The following LUZP2 variants were observed in gnomAD, a reference collection of about 807,000 sequenced individuals.
LUZP2 encodes leucine zipper protein 2.
In LUZP2, 52 loss-of-function variants were observed where a neutral mutation model predicts 51.6. That is an observed-to-expected ratio of 1.01 (90% CI 0.81 to 1.27). The LOEUF (loss-of-function observed/expected upper bound fraction) is 1.27. Among genes scored for constraint, LUZP2 ranks in the 50% most tolerant of loss-of-function variants. LUZP2 has a pLI of 0.00. For synonymous variants in LUZP2, 154 were observed against 137.3 expected (o/e 1.12, Z -0.85); for missense variants, 436 against 395.4 (o/e 1.10, Z -0.87).
At chr11:24,562,996 T>G (rs1257911784) in intron 1 of LUZP2, among the ~76,000 whole-genome samples, 2 of 152,216 alleles carry the variant, frequency 1.3e-5, no homozygotes, top group Non-Finnish European at 2.9e-5. Flanking sequence ...GCAAACTACT[T>G]GCAAAAATGG....
At chr11:24,947,947 C>A (rs184261453) in intron 7 of LUZP2, among the ~76,000 whole-genome samples, 1 of 151,684 alleles carries the variant, frequency 6.6e-6, no homozygotes, top group African/African-American at 2.4e-5. Flanking sequence ...CAATTCTTTG[C>A]GTTTGTCTTA....
intron 10 of LUZP2, among the ~76,000 whole-genome samples, chr11:25,062,837 G>A (rs6484103): frequency 6.6e-6 from 1 of 151,292 alleles, no homozygotes; most frequent in Non-Finnish European, 1.5e-5. Flanking sequence ...AATAAACATT[G>A]TAAAAACGTT....
intron 1 of LUZP2, among the ~76,000 whole-genome samples, chr11:24,719,059 C>T (rs1448395198): frequency 6.6e-6 from 1 of 152,190 alleles, no homozygotes. Context: ...GAGACAGATT[C>T]AAGCCCCAGG....
At chr11:24,785,055 C>A (rs1849203912) in intron 5 of LUZP2, among the ~76,000 whole-genome samples, 1 of 151,952 alleles carries the variant, frequency 6.6e-6, no homozygotes, top group Admixed American at 6.6e-5. Context: ...TGGATCCATA[C>A]CTCACACATA....
chr11:24,805,733 G>T (rs187474240), intron 5 of LUZP2, among the ~76,000 whole-genome samples: 16 of 152,084 alleles, frequency 1.1e-4, no homozygotes, highest in Admixed American at 1.0e-3. Flanking sequence ...TTTTAGGTTG[G>T]ATTTCCCCTG....
At chr11:25,003,030 G>C (rs771778605) in intron 9 of LUZP2, among the ~76,000 whole-genome samples, 2 of 152,184 alleles carry the variant, frequency 1.3e-5, no homozygotes, top group Non-Finnish European at 2.9e-5. Context: ...TCCTTACGGA[G>C]GGCCCTGGTT....
chr11:24,932,514 A>G (rs1854483783), intron 7 of LUZP2, among the ~76,000 whole-genome samples: 2 of 152,190 alleles, frequency 1.3e-5, no homozygotes, highest in African/African-American at 4.8e-5. Flanking sequence ...TCTCAGGCCA[A>G]TTGAATTATG....
At chr11:24,815,874 GTACT>G (rs1850165521) in intron 5 of LUZP2, among the ~76,000 whole-genome samples, 12 of 152,024 alleles carry the variant, frequency 7.9e-5, no homozygotes, top group Admixed American at 6.6e-4. Context: ...AAGTTCAGAT[GTACT>G]TAAACTGTTT....
At chr11:24,572,179 G>C (rs1043499963) in intron 1 of LUZP2, among the ~76,000 whole-genome samples, 2 of 151,888 alleles carry the variant, frequency 1.3e-5, no homozygotes, top group African/African-American at 4.8e-5. Context: ...CATATAGTAA[G>C]ATTTATTGTC....
chr11:24,517,635 C>A (rs539191946), intron 1 of LUZP2, among the ~76,000 whole-genome samples: 2 of 151,448 alleles, frequency 1.3e-5, no homozygotes, highest in African/African-American at 2.4e-5. Context: ...GCATCAGTCA[C>A]GTCACTGATT....
intron 5 of LUZP2, among the ~76,000 whole-genome samples, chr11:24,795,531 T>C (rs1849522477): frequency 6.6e-6 from 1 of 152,144 alleles, no homozygotes. Flanking sequence ...GAAATTAAGG[T>C]ACTGGGCTCA....
chr11:24,527,507 T>A (rs937602459), intron 1 of LUZP2, among the ~76,000 whole-genome samples: 2 of 151,062 alleles, frequency 1.3e-5, no homozygotes, highest in African/African-American at 4.8e-5. Flanking sequence ...ACATTAATGC[T>A]AACAAAAGTG....
chr11:24,862,097 T>G (rs929814973), intron 5 of LUZP2, among the ~76,000 whole-genome samples: 2 of 151,932 alleles, frequency 1.3e-5, no homozygotes, highest in African/African-American at 4.8e-5. Context: ...CACATAATCA[T>G]CAGATTCTCC....
chr11:24,670,039 C>T (rs553084112), intron 1 of LUZP2, among the ~76,000 whole-genome samples: 6 of 151,940 alleles, frequency 3.9e-5, no homozygotes, highest in South Asian at 4.1e-4. Flanking sequence ...AATATATTTC[C>T]GATGAATAAC....
intron 1 of LUZP2, among the ~76,000 whole-genome samples, chr11:24,714,867 G>C (rs924663257): frequency 1.3e-5 from 2 of 152,182 alleles, no homozygotes; most frequent in Non-Finnish European, 2.9e-5. Flanking sequence ...CTCCACCAGA[G>C]AGACTGACAC....
At chr11:24,609,061 C>T (rs1457163520) in intron 1 of LUZP2, among the ~76,000 whole-genome samples, 14 of 152,014 alleles carry the variant, frequency 9.2e-5, no homozygotes, top group Admixed American at 9.2e-4. Context: ...AGGAGGGCTC[C>T]CTAACATTCT....
At position 24,903,297 on chromosome 11, in the gene LUZP2, CT is replaced by C. The variant is rs1853336086; in HGVS notation, c.397-2692del. Reference sequence around the variant, plus strand: ...TGCAAATATTTGCAAAAATACATTACTTGAACAAATCAGAATAACTTCCTCC... The same window carrying C: ...TGCAAATATTTGCAAAAATACATTACTGAACAAATCAGAATAACTTCCTCC... On this transcript the variant is annotated intron_variant, in intron 5 of 11. Transcript: ENST00000336930. Among the ~76,000 whole-genome samples, 4 of 152,234 alleles carry C rather than the reference CT, an allele frequency of 2.6e-5. No individual in the cohort carries two copies. The South Asian group carries it at 8.3e-4, about 32-fold the overall frequency.
intron 1 of LUZP2, among the ~76,000 whole-genome samples, chr11:24,698,623 A>G (rs908419952): frequency 7.9e-5 from 12 of 152,240 alleles, no homozygotes; most frequent in Admixed American, 6.5e-4. Context: ...AGAAGTGTGT[A>G]AGCTAGTGTT....
intron 5 of LUZP2, among the ~76,000 whole-genome samples, chr11:24,824,933 T>C (rs1462110327): frequency 6.6e-6 from 1 of 152,134 alleles, no homozygotes; most frequent in Non-Finnish European, 1.5e-5. Context: ...TATTATCCAT[T>C]TGTTAATGAA....
Sources: allele counts gnomAD v4.1 joint callset (sites outside exome capture counted in the v4.1 genomes callset), GRCh38; gene constraint gnomAD v4.1.1; transcripts MANE v1.5; gene names NCBI Gene and HGNC (gene_info 2026-07-23, HGNC 2026-07-21).